The following CNTLN variants were observed in gnomAD, a reference collection of about 807,000 sequenced individuals.
CNTLN encodes centlein, centrosomal protein.
CNTLN carries 212 observed loss-of-function variants against 180.0 expected under a neutral mutation model. That is an observed-to-expected ratio of 1.18 (90% CI 1.05 to 1.32). CNTLN has a LOEUF of 1.32. CNTLN is among the 40% of genes most tolerant of loss of function. The probability of loss-of-function intolerance (pLI) is 0.00; values close to 1 mark genes in which losing one functional copy is unlikely to be tolerated. For synonymous variants in CNTLN, 722 were observed against 563.1 expected (o/e 1.28, Z -3.99); for missense variants, 2,095 against 1,610.9 (o/e 1.30, Z -5.14).
chr9:17,342,279 C>A (rs753586478), intron 11 of CNTLN, 46 bp from the exon 12 acceptor site: 3 of 1,566,964 alleles, frequency 1.9e-6, no homozygotes, highest in African/African-American at 2.7e-5. Flanking sequence ...ATTTTTATTG[C>A]ACTTCAGACA....
chr9:17,296,900 A>G lies in CNTLN; in HGVS notation c.984-1290A>G, dbSNP rs139403027. ...CTTGCTCCCATACTAATTTTCATCCATGTTCAACAACTGTCTCCGTATCTC... is the reference window on the plus strand; with the variant it reads ...CTTGCTCCCATACTAATTTTCATCCGTGTTCAACAACTGTCTCCGTATCTC... On this transcript the variant is annotated intron_variant, in intron 6 of 25. Transcript: ENST00000380647. 5.4e-4 allele frequency among the ~76,000 whole-genome samples: 82 copies of G among 152,332 alleles called. No individual in the cohort carries two copies. In the East Asian group the frequency reaches 0.013, roughly 24 times the overall value.
At chr9:17,453,844 A>T (rs951095711) in intron 18 of CNTLN, among the ~76,000 whole-genome samples, 1 of 152,138 alleles carries the variant, frequency 6.6e-6, no homozygotes, top group Non-Finnish European at 1.5e-5. Context: ...TTTAAAACCA[A>T]CGGGGGAATC....
At chr9:17,464,085 A>G (rs1831606206) in intron 20 of CNTLN, among the ~76,000 whole-genome samples, 1 of 151,500 alleles carries the variant, frequency 6.6e-6, no homozygotes, top group African/African-American at 2.4e-5. Context: ...TAGTTTCATT[A>G]CAAGAGTTTG....
intron 23 of CNTLN, among the ~76,000 whole-genome samples, chr9:17,472,951 C>T: frequency 6.6e-6 from 1 of 152,124 alleles, no homozygotes; most frequent in Non-Finnish European, 1.5e-5. Context: ...TTACTTCCCT[C>T]CTCATGCAGC....
chr9:17,410,112 T>C (rs1369072797), intron 16 of CNTLN, among the ~76,000 whole-genome samples: 1 of 152,182 alleles, frequency 6.6e-6, no homozygotes, highest in East Asian at 1.9e-4. Context: ...CTTCTTTAGT[T>C]ACTACCAGAA....
intron 1 of CNTLN, 41 bp downstream of exon 1, chr9:17,135,466 G>T: frequency 1.3e-6 from 2 of 1,559,496 alleles, no homozygotes; most frequent in Non-Finnish European, 1.7e-6. Context: ...CCACCACAGC[G>T]GGGCCGGGAC....
intron 12 of CNTLN, among the ~76,000 whole-genome samples, chr9:17,364,092 CAG>C (rs1280742791): frequency 2.0e-5 from 3 of 152,076 alleles, no homozygotes; most frequent in African/African-American, 7.2e-5. Context: ...TAAGTGTGAA[CAG>C]AGTTTTATTT....
chr9:17,493,247 A>C (rs1327366119), intron 25 of CNTLN, among the ~76,000 whole-genome samples: 1 of 152,294 alleles, frequency 6.6e-6, no homozygotes, highest in East Asian at 1.9e-4. Flanking sequence ...TTTCTATAAC[A>C]TAAAACAATT....
At chr9:17,481,849 C>A (rs1192338502) in intron 23 of CNTLN, among the ~76,000 whole-genome samples, 1 of 152,248 alleles carries the variant, frequency 6.6e-6, no homozygotes, top group Non-Finnish European at 1.5e-5. Context: ...GGCAGCAGCC[C>A]TGCCCAGCTA....
At position 17,235,700 on chromosome 9, in the gene CNTLN, C is replaced by A; in HGVS notation, c.577C>A (p.Arg193=). The change falls in exon 4 of 26, where the codon CGG becomes AGG. Residue 193 remains arginine (R), a synonymous_variant. Coordinates refer to ENST00000380647, the MANE Select transcript of CNTLN (RefSeq NM_017738.4). ...LKQEINDLVK[R]KIAVDEENAF... ...ACAGGAAATAAATGACCTTGTAAAA[C>A]GGAAAATTGCAGTAGATGAAGAAAA... 1.9e-6 allele frequency: 3 copies of A among 1,603,036 alleles called. No individual in the cohort carries two copies. The highest frequency in any genetic ancestry group is 3.4e-5 in the Admixed American group (2 of 58,364).
intron 15 of CNTLN, among the ~76,000 whole-genome samples, chr9:17,399,008 C>T (rs954559587): frequency 6.6e-6 from 1 of 152,208 alleles, no homozygotes; most frequent in African/African-American, 2.4e-5. Flanking sequence ...GAGGAAGCTA[C>T]GTTAACACAT....
At chr9:17,145,584 C>T (rs932980426) in intron 2 of CNTLN, among the ~76,000 whole-genome samples, 1 of 152,192 alleles carries the variant, frequency 6.6e-6, no homozygotes, top group Admixed American at 6.5e-5. Context: ...TTGCCCTTCT[C>T]TTTACTTTTT....
At chr9:17,376,851 T>TA (rs1335107930) in intron 13 of CNTLN, among the ~76,000 whole-genome samples, 1 of 152,196 alleles carries the variant, frequency 6.6e-6, no homozygotes, top group Non-Finnish European at 1.5e-5. Context: ...ACATTTATTA[T>TA]ATTTATTTGG....
rs572841628 is a variant in CNTLN at position 17,340,901 on chromosome 9, C to A, written c.1719C>A (p.Tyr573Ter). The A allele has an allele frequency of 1.4e-5, 22 of 1,612,164 alleles. 1 individual carries two copies. The South Asian group carries it at 2.1e-4, about 15-fold the overall frequency. The change falls in exon 11 of 26, where the codon TAC (tyrosine) becomes TAA (stop). Residue 573 changes from tyrosine (Y) to a stop codon, truncating the protein, a stop_gained. Transcript: ENST00000380647. LOFTEE classifies it high-confidence loss of function. The stretch of plus-strand genomic sequence containing the variant: ...GGCTACAGATGTTACAGACCAACTA[C>A]AGAGCAGTAAAAGAGCAATTAAAAC... ...KERLQMLQTN[Y>*]RAVKEQLKQW...
chr9:17,280,834 A>G (rs934632192), intron 6 of CNTLN, among the ~76,000 whole-genome samples: 7 of 152,198 alleles, frequency 4.6e-5, no homozygotes, highest in Admixed American at 2.0e-4. Flanking sequence ...AAATGCAGAA[A>G]AAGACTCTAG....
chr9:17,410,953 T>C (rs1827799861), intron 16 of CNTLN, among the ~76,000 whole-genome samples: 1 of 152,176 alleles, frequency 6.6e-6, no homozygotes, highest in Admixed American at 6.5e-5. Context: ...TTTCCCACCT[T>C]CTTGTTCATC....
chr9:17,358,929 T>G (rs1823070875), intron 12 of CNTLN, among the ~76,000 whole-genome samples: 1 of 152,198 alleles, frequency 6.6e-6, no homozygotes, highest in Non-Finnish European at 1.5e-5. Flanking sequence ...TGTGAAGGGT[T>G]AAGCAGTAAA....
At chr9:17,337,361 G>A (rs1821122748) in intron 10 of CNTLN, among the ~76,000 whole-genome samples, 1 of 152,090 alleles carries the variant, frequency 6.6e-6, no homozygotes, top group Admixed American at 6.6e-5. Flanking sequence ...TGCTTTTGGT[G>A]TTTTAGTCAT....
intron 13 of CNTLN, among the ~76,000 whole-genome samples, chr9:17,371,616 G>A (rs542073832): frequency 4.6e-5 from 7 of 152,238 alleles, no homozygotes; most frequent in Admixed American, 6.5e-5. Context: ...TAGACCAAAT[G>A]GAGCTAATAT....
Sources: gnomAD v4.1 joint callset for allele counts (sites outside exome capture counted in the v4.1 genomes callset) on GRCh38, gnomAD v4.1.1 for gene constraint, MANE v1.5 for transcripts, NCBI Gene and HGNC (gene_info 2026-07-23, HGNC 2026-07-21) for gene names.